The following ENTPD5 variants were observed in gnomAD, a reference collection of about 807,000 sequenced individuals.
ENTPD5 encodes ectonucleoside triphosphate diphosphohydrolase 5 (inactive).
In ENTPD5, 49 loss-of-function variants were observed where a neutral mutation model predicts 60.2. The ratio of observed to expected loss-of-function variants is 0.81; its 90% CI spans 0.65 to 1.03. The LOEUF is 1.03. Among genes scored for constraint, ENTPD5 ranks in the 50% least tolerant of loss-of-function variants. The pLI is 0.00. For synonymous variants in ENTPD5, 187 were observed against 185.4 expected (o/e 1.01, Z -0.07); for missense variants, 480 against 507.6 (o/e 0.95, Z 0.52).
At chr14:73,985,147 G>A (rs1017868359) in intron 5 of ENTPD5, among the ~76,000 whole-genome samples, 1 of 152,148 alleles carries the variant, frequency 6.6e-6, no homozygotes, top group Non-Finnish European at 1.5e-5. Context: ...ATCATTGATG[G>A]ACATTTGGGT....
In ENTPD5 at chr14:73,996,197, C is replaced by T. The variant is rs750623324; in HGVS notation, c.-70-8025G>A. ...CCTGTTTCAGCTCTTCTTAATCAAG[C>T]GAGCCTCATGAACCGCATTCACCTT... On this transcript the variant is annotated intron_variant, in intron 3 of 15. Coordinates refer to ENST00000334696, the MANE Select transcript of ENTPD5 (RefSeq NM_001249.5). 23 of 985,208 alleles carry T rather than the reference C, an allele frequency of 2.3e-5. No homozygotes were observed. The South Asian group carries it at 3.3e-4, about 14-fold the overall frequency. 61.0% of individuals were successfully genotyped at this position (985,208 alleles called of 1,614,324 possible). A position where few individuals can be genotyped will look rare whatever the true frequency, so the allele number is the denominator to read the frequency against.
At chr14:73,974,642 G>T (rs758240) in intron 11 of ENTPD5, among the ~76,000 whole-genome samples, 84,313 of 151,978 alleles carry the variant, frequency 0.55, 24,538 homozygotes, top group Admixed American at 0.65. Flanking sequence ...GAATGTATTC[G>T]TAAAGCCTGG....
downstream of ENTPD5, chr14:73,958,040 C>T (rs367949902): frequency 1.6e-4 from 137 of 877,282 alleles, no homozygotes; most frequent in East Asian, 1.4e-3. Context: ...TCTTAAATGA[C>T]AAGACACTGC....
chr14:73,987,238 C>T (rs1721158132), intron 4 of ENTPD5: 1 of 680,972 alleles, frequency 1.5e-6, no homozygotes, highest in African/African-American at 1.8e-5. Flanking sequence ...TCATGTGATC[C>T]TTCTCCCAAA....
chr14:73,961,026 G>T, downstream of ENTPD5: 1 of 912,006 alleles, frequency 1.1e-6, no homozygotes, highest in South Asian at 1.4e-5. Flanking sequence ...CTTTGCACTT[G>T]AGGGGCTTAT....
downstream of ENTPD5, chr14:73,960,336 G>A (rs904205210): frequency 1.2e-5 from 12 of 986,806 alleles, no homozygotes; most frequent in Non-Finnish European, 1.4e-5. Context: ...TACATTGTAG[G>A]TGCTCAACAA....
At chr14:73,974,825 T>A in intron 11 of ENTPD5, 99 bp downstream of exon 11, 1 of 962,100 alleles carries the variant, frequency 1.0e-6, no homozygotes, top group East Asian at 2.4e-5. Context: ...TTCAACATAA[T>A]CTTTTCCTTC....
chr14:73,998,066 T>C (rs2058392513), intron 3 of ENTPD5, among the ~76,000 whole-genome samples: 1 of 152,114 alleles, frequency 6.6e-6, no homozygotes, highest in Non-Finnish European at 1.5e-5. Context: ...ATGAGGGTCG[T>C]GACCAACTCA....
downstream of ENTPD5, chr14:73,955,919 G>A: frequency 1.2e-6 from 2 of 1,614,068 alleles, no homozygotes; most frequent in Non-Finnish European, 1.7e-6. Flanking sequence ...GCAGTTGGAG[G>A]CTGTGTCTGG....
downstream of ENTPD5, chr14:73,959,811 C>G (rs2056626791): frequency 7.8e-7 from 1 of 1,281,308 alleles, no homozygotes; most frequent in African/African-American, 1.5e-5. Context: ...CTCAAGTGAT[C>G]TGCCTGCCTT....
chr14:73,968,554 T>A (rs981636253), intron 15 of ENTPD5, among the ~76,000 whole-genome samples: 2 of 151,866 alleles, frequency 1.3e-5, no homozygotes, highest in African/African-American at 4.8e-5. Context: ...GCCTCCCAAG[T>A]AGCTGGGATT....
At chr14:73,968,440 T>C (rs888890910) in intron 15 of ENTPD5, among the ~76,000 whole-genome samples, 1 of 129,016 alleles carries the variant, frequency 7.8e-6, no homozygotes, top group Non-Finnish European at 1.8e-5. Flanking sequence ...TTTTTTTTTT[T>C]TGAGACGGAG....
At chr14:73,981,807 CAA>C (rs56117033) in intron 6 of ENTPD5, among the ~76,000 whole-genome samples, 20,610 of 124,830 alleles carry the variant, frequency 0.17, 1,440 homozygotes, top group Admixed American at 0.23. Flanking sequence ...ACTCTGTTTC[CAA>C]AAAAAAAAAA....
intron 15 of ENTPD5, among the ~76,000 whole-genome samples, chr14:73,967,319 G>A (rs1014311524): frequency 2.0e-5 from 3 of 152,154 alleles, no homozygotes; most frequent in Non-Finnish European, 2.9e-5. Flanking sequence ...TTTCCCTAAC[G>A]TTGAAACTAC....
At chr14:73,961,335 C>T (rs1255058569), downstream of ENTPD5, 3 of 1,614,216 alleles carry the variant, frequency 1.9e-6, no homozygotes, top group Non-Finnish European at 2.5e-6. Context: ...TGGGTTGGGA[C>T]ATGCTGCTGA....
At chr14:74,000,087 CAAAAAAA>C (rs34536315) in intron 3 of ENTPD5, among the ~76,000 whole-genome samples, 1 of 76,052 alleles carries the variant, frequency 1.3e-5, no homozygotes, top group Non-Finnish European at 2.6e-5. Flanking sequence ...GACTCCATCT[CAAAAAAA>C]AAAAAAAAAA....
At chr14:73,988,528 T>A (rs1042796058) in intron 3 of ENTPD5, among the ~76,000 whole-genome samples, 1 of 152,230 alleles carries the variant, frequency 6.6e-6, no homozygotes, top group Admixed American at 6.5e-5. Context: ...GTTGGAAACA[T>A]TTCAAATCTT....
At chr14:73,986,990 C>A in intron 4 of ENTPD5, 97 bp from the exon 5 acceptor site, 1 of 910,926 alleles carries the variant, frequency 1.1e-6, no homozygotes. Flanking sequence ...TTTCCTATGA[C>A]TTCCCTGAAG....
At chr14:73,981,829 C>T (rs1348510715) in intron 6 of ENTPD5, among the ~76,000 whole-genome samples, 1 of 149,584 alleles carries the variant, frequency 6.7e-6, no homozygotes, top group Non-Finnish European at 1.5e-5. Flanking sequence ...AAAAATCAAA[C>T]TTTAAAGTTC....
Sources: allele counts gnomAD v4.1 joint callset (sites outside exome capture counted in the v4.1 genomes callset), GRCh38; gene constraint gnomAD v4.1.1; transcripts MANE v1.5; gene names NCBI Gene and HGNC (gene_info 2026-07-23, HGNC 2026-07-21).